Variants in ZBTB20 observed in about 807,000 individuals in gnomAD.
The protein encoded by ZBTB20 is zinc finger and BTB domain containing 20, also known as zinc finger and BTB domain-containing protein 20.
In ZBTB20, 9 loss-of-function variants were observed where a neutral mutation model predicts 56.9. The ratio of observed to expected loss-of-function variants is 0.16; its 90% CI spans 0.10 to 0.28. The LOEUF (loss-of-function observed/expected upper bound fraction) is 0.28. Among genes scored for constraint, ZBTB20 ranks in the 10% least tolerant of loss-of-function variants. The pLI is 1.00. For missense variants in ZBTB20, 655 were observed against 1,003.0 expected (o/e 0.65, Z 4.69); for synonymous variants, 417 against 420.7 (o/e 0.99, Z 0.11).
chr3:114,534,103 G>A (rs551623907), intron 6 of ZBTB20, among the ~76,000 whole-genome samples: 2 of 152,246 alleles, frequency 1.3e-5, no homozygotes, highest in East Asian at 3.9e-4. Context: ...TTACCAGCTA[G>A]CATCATAATG....
intron 5 of ZBTB20, among the ~76,000 whole-genome samples, chr3:114,799,170 T>C (rs1006588417): frequency 6.6e-6 from 1 of 151,880 alleles, no homozygotes; most frequent in African/African-American, 2.4e-5. Context: ...CCCATTTCCC[T>C]GAAACAAAAT....
At position 114,321,962 on chromosome 3, in the gene ZBTB20, C is replaced by T. The variant is rs1466229034; in HGVS notation, c.*17043G>A. 2 of 152,234 alleles carry T rather than the reference C, an allele frequency of 1.3e-5. No homozygotes were observed. The highest frequency in any genetic ancestry group is 2.9e-5 in the Non-Finnish European group (2 of 68,042). The allele number at this position is 152,234 out of a possible 1,614,324, so 9.4% of individuals were successfully genotyped here. ...TACGACAAGAAAGGCACTATCACAA[C>T]AGATCAGCCTCCAAGCATTTTCCTT... On this transcript the variant is annotated 3_prime_UTR_variant, in exon 12 of 12. Coordinates refer to ENST00000675478, the MANE Select transcript of ZBTB20 (RefSeq NM_001348800.3).
At position 114,456,167 on chromosome 3, in the gene ZBTB20, C is replaced by T. The variant is rs72950686; in HGVS notation, c.-255+44185G>A. 3.2e-3 allele frequency among the ~76,000 whole-genome samples: 487 copies of T among 151,618 alleles called. 2 individuals carry two copies. Among genetic ancestry groups the T allele is most frequent in the African/African-American group, 0.011 (456 of 41,176 alleles). On this transcript the variant is annotated intron_variant, in intron 7 of 11. Coordinates refer to ENST00000675478, the MANE Select transcript of ZBTB20 (RefSeq NM_001348800.3). ...GGAAATATAATTACATATATAAATA[C>T]ATTTCCACTTTATATATATGTGTGT...
intron 7 of ZBTB20, among the ~76,000 whole-genome samples, chr3:114,478,263 G>T (rs1440895316): frequency 6.6e-6 from 1 of 152,212 alleles, no homozygotes; most frequent in Non-Finnish European, 1.5e-5. Flanking sequence ...ACCACACCCA[G>T]CCTAGACTTC....
At chr3:114,669,877 T>G (rs1232716618) in intron 6 of ZBTB20, among the ~76,000 whole-genome samples, 1 of 152,020 alleles carries the variant, frequency 6.6e-6, no homozygotes, top group Admixed American at 6.6e-5. Flanking sequence ...ATTTTCTAAA[T>G]AAGCCACAAT....
At chr3:114,699,012 C>G (rs1188065493) in intron 5 of ZBTB20, among the ~76,000 whole-genome samples, 1 of 152,102 alleles carries the variant, frequency 6.6e-6, no homozygotes, top group African/African-American at 2.4e-5. Flanking sequence ...AAATCTTAGG[C>G]TATATTGCTC....
Position 114,965,007 on chromosome 3 carries a change from G to A in ZBTB20, c.-456+9359C>T, listed in dbSNP as rs964421707. On this transcript the variant is annotated intron_variant, in intron 3 of 11. Coordinates refer to ENST00000675478, the MANE Select transcript of ZBTB20 (RefSeq NM_001348800.3). ...ATGTGGAAAAAAATTCCTAAAATATGTCTATCTGAAAGATGGGATGATAAC... is the reference window on the plus strand; with the variant it reads ...ATGTGGAAAAAAATTCCTAAAATATATCTATCTGAAAGATGGGATGATAAC... Among the ~76,000 whole-genome samples, 57 of 152,124 alleles carry A rather than the reference G, an allele frequency of 3.7e-4. 1 individual carries two copies. Among genetic ancestry groups the A allele is most frequent in the African/African-American group, 1.4e-3 (57 of 41,428 alleles).
At chr3:114,740,295 A>T (rs1188903519) in intron 5 of ZBTB20, among the ~76,000 whole-genome samples, 1 of 152,238 alleles carries the variant, frequency 6.6e-6, no homozygotes, top group Non-Finnish European at 1.5e-5. Context: ...ATTCATAATA[A>T]TGAAAGACAA....
intron 3 of ZBTB20, among the ~76,000 whole-genome samples, chr3:114,922,831 GACATCAA>G (rs1209287498): frequency 7.7e-3 from 5 of 648 alleles, no homozygotes; most frequent in Non-Finnish European, 0.014. Flanking sequence ...AATACATCAA[GACATCAA>G]GAAGGACATC....
chr3:114,799,224 C>T (rs139551291), intron 5 of ZBTB20, among the ~76,000 whole-genome samples: 1,836 of 151,940 alleles, frequency 0.012, 20 homozygotes, highest in Non-Finnish European at 0.017. Context: ...GCATCATCTA[C>T]CCTGGAATTG....
At chr3:115,126,887 G>C (rs1438553168) in intron 1 of ZBTB20, among the ~76,000 whole-genome samples, 1 of 152,084 alleles carries the variant, frequency 6.6e-6, no homozygotes, top group Non-Finnish European at 1.5e-5. Context: ...ACGAATGAAT[G>C]AATGAAAGAA....
intron 4 of ZBTB20, among the ~76,000 whole-genome samples, chr3:114,815,737 G>A (rs374737639): frequency 6.6e-6 from 1 of 151,572 alleles, no homozygotes; most frequent in Non-Finnish European, 1.5e-5. Flanking sequence ...CACAAAACAC[G>A]CACACGCACA....
At chr3:115,082,122 C>A (rs2082817660) in intron 1 of ZBTB20, among the ~76,000 whole-genome samples, 1 of 152,206 alleles carries the variant, frequency 6.6e-6, no homozygotes, top group South Asian at 2.1e-4. Context: ...TCCTTATGAT[C>A]AGGGTTTCAC....
intron 10 of ZBTB20, among the ~76,000 whole-genome samples, chr3:114,363,094 A>G (rs1215427949): frequency 6.6e-6 from 1 of 152,226 alleles, no homozygotes; most frequent in Non-Finnish European, 1.5e-5. Context: ...GGATAAATTT[A>G]TTGCTGAACT....
chr3:114,339,163 T>G lies in ZBTB20; in HGVS notation c.2068A>C (p.Thr690Pro). The G allele has an allele frequency of 6.2e-7, 1 of 1,613,466 alleles. No individual in the cohort carries two copies. The change falls in exon 12 of 12, where the codon ACC becomes CCC. Residue 690 changes from threonine to proline, a missense_variant. This residue lies in a region of ZBTB20 where 89 missense variants were observed against 79.7 expected (regional missense o/e 1.12). Coordinates refer to ENST00000675478, the MANE Select transcript of ZBTB20 (RefSeq NM_001348800.3). This position sits in a 1 kb window ranked among gnomAD's most constrained non-coding sequence, Gnocchi z 4.2. Reference protein sequence around the residue: ...HVALHSASNGTPPAGTPPGAR... With the variant: ...HVALHSASNGPPPAGTPPGAR... Reference sequence around the variant, plus strand: ...CCTGGGGGTGTGCCTGCAGGGGGGGTCCCATTGCTGGCACTGTGCAGGGCC... The same window carrying G: ...CCTGGGGGTGTGCCTGCAGGGGGGGGCCCATTGCTGGCACTGTGCAGGGCC...
intron 3 of ZBTB20, among the ~76,000 whole-genome samples, chr3:114,953,417 GAC>G (rs1279432258): frequency 6.6e-6 from 1 of 151,474 alleles, no homozygotes; most frequent in East Asian, 1.9e-4. Flanking sequence ...ACCAATTAAA[GAC>G]AGAGATTATC....
chr3:114,736,789 A>G (rs887277800), intron 5 of ZBTB20, among the ~76,000 whole-genome samples: 2 of 152,114 alleles, frequency 1.3e-5, no homozygotes, highest in Non-Finnish European at 2.9e-5. Flanking sequence ...GGGCCATGAA[A>G]CTTACATGAT....
chr3:114,506,401 C>T (rs2044617026), intron 6 of ZBTB20, among the ~76,000 whole-genome samples: 1 of 152,238 alleles, frequency 6.6e-6, no homozygotes, highest in South Asian at 2.1e-4. Flanking sequence ...TATGAATCTC[C>T]CTGTTCCTTC....
At chr3:114,553,329 T>C (rs891081900) in intron 6 of ZBTB20, among the ~76,000 whole-genome samples, 1 of 152,132 alleles carries the variant, frequency 6.6e-6, no homozygotes, top group Admixed American at 6.6e-5. Context: ...GTAGAAAAAA[T>C]ATAATAATTG....
Sources: gnomAD v4.1 joint callset for allele counts (sites outside exome capture counted in the v4.1 genomes callset) on GRCh38, gnomAD v4.1.1 for gene constraint, gnomAD v4.1.1 regional missense constraint, Gnocchi (gnomAD v3.1) non-coding constraint, MANE v1.5 for transcripts, NCBI Gene and HGNC (gene_info 2026-07-23, HGNC 2026-07-21) for gene names.